Variants in RALYL observed in about 807,000 individuals in gnomAD.
The protein encoded by RALYL is RNA-binding Raly-like protein.
RALYL carries 29 observed loss-of-function variants against 35.1 expected under a neutral mutation model. The ratio of observed to expected loss-of-function variants is 0.83; its 90% CI spans 0.61 to 1.13. The LOEUF is 1.13. RALYL is among the 50% of genes most tolerant of loss of function. The probability of loss-of-function intolerance (pLI) is 0.00; values close to 1 mark genes in which losing one functional copy is unlikely to be tolerated. For synonymous variants in RALYL, 120 were observed against 127.6 expected, an observed-to-expected ratio of 0.94 and a Z score of 0.40; for missense variants, 359 against 360.4, an observed-to-expected ratio of 1.00 and a Z score of 0.03.
chr8:84,842,565 C>A (rs1833669941), intron 4 of RALYL, among the ~76,000 whole-genome samples: 1 of 152,210 alleles, frequency 6.6e-6, no homozygotes, highest in Non-Finnish European at 1.5e-5. Flanking sequence ...ACCATTCCTT[C>A]TGAAACTATT....
At chr8:84,838,327 C>CA (rs945614601) in intron 4 of RALYL, among the ~76,000 whole-genome samples, 4 of 152,144 alleles carry the variant, frequency 2.6e-5, no homozygotes, top group Non-Finnish European at 5.9e-5. Flanking sequence ...CCCTCCCCCA[C>CA]AAAAAAGGAC....
intron 5 of RALYL, among the ~76,000 whole-genome samples, chr8:84,851,598 G>A (rs1417512535): frequency 6.6e-6 from 1 of 152,132 alleles, no homozygotes; most frequent in East Asian, 1.9e-4. Flanking sequence ...TTTTTCAATA[G>A]ATGTTTTAAA....
chr8:84,499,958 G>A (rs557839396), intron 1 of RALYL, among the ~76,000 whole-genome samples: 61 of 152,098 alleles, frequency 4.0e-4, no homozygotes, highest in Non-Finnish European at 6.3e-4. Context: ...ATCTGGCTAT[G>A]TTGTCTATGG....
chr8:84,870,261 A>AT (rs200284241), intron 6 of RALYL, among the ~76,000 whole-genome samples: 4,263 of 142,426 alleles, frequency 0.03, 82 homozygotes, highest in Non-Finnish European at 0.04. Context: ...TTTGTGTATA[A>AT]TTTTTTTTTT....
intron 4 of RALYL, among the ~76,000 whole-genome samples, chr8:84,815,485 A>T (rs2134159730): frequency 6.7e-6 from 1 of 148,732 alleles, no homozygotes; most frequent in East Asian, 1.9e-4. Flanking sequence ...TATAAATAAA[A>T]TATATTTATA....
chr8:84,861,705 G>A (rs534224746), intron 5 of RALYL, among the ~76,000 whole-genome samples: 28 of 152,282 alleles, frequency 1.8e-4, no homozygotes, highest in Admixed American at 1.8e-3. Context: ...CCTTTTGTCT[G>A]CAATCAGAGG....
intron 1 of RALYL, among the ~76,000 whole-genome samples, chr8:84,329,911 T>C (rs1222871131): frequency 6.6e-6 from 1 of 152,026 alleles, no homozygotes. Context: ...TTATTAAAAA[T>C]CATATTGAAT....
At chr8:84,710,565 G>T (rs1407458608) in intron 2 of RALYL, among the ~76,000 whole-genome samples, 3 of 148,954 alleles carry the variant, frequency 2.0e-5, no homozygotes, top group Non-Finnish European at 4.4e-5. Flanking sequence ...GCCTCCCAAA[G>T]TGCTGGGATT....
At chr8:84,852,548 A>G (rs1324665348) in intron 5 of RALYL, among the ~76,000 whole-genome samples, 1 of 152,146 alleles carries the variant, frequency 6.6e-6, no homozygotes, top group Non-Finnish European at 1.5e-5. Context: ...ATTAATATAC[A>G]TTGTCTTATA....
At chr8:84,301,045 T>C in intron 1 of RALYL, among the ~76,000 whole-genome samples, 1 of 152,054 alleles carries the variant, frequency 6.6e-6, no homozygotes, top group East Asian at 1.9e-4. Context: ...ATTTAACCCC[T>C]GTGTAAGGTA....
At chr8:84,851,482 G>T (rs1439968586) in intron 5 of RALYL, among the ~76,000 whole-genome samples, 3 of 151,968 alleles carry the variant, frequency 2.0e-5, no homozygotes, top group African/African-American at 7.3e-5. Context: ...GATAGATTAC[G>T]GGATTAAAAA....
At chr8:84,654,332 T>C (rs1359192459) in intron 2 of RALYL, among the ~76,000 whole-genome samples, 1 of 137,736 alleles carries the variant, frequency 7.3e-6, no homozygotes, top group East Asian at 2.3e-4. Context: ...CACATATAGG[T>C]ATGCTACATG....
intron 3 of RALYL, among the ~76,000 whole-genome samples, chr8:84,803,762 C>A (rs1273734832): frequency 6.6e-6 from 1 of 152,176 alleles, no homozygotes; most frequent in East Asian, 1.9e-4. Flanking sequence ...TTTTTGCCTA[C>A]ACAGAATGAA....
chr8:84,920,902 G>C lies in RALYL; in HGVS notation c.867G>C (p.Gln289His). 1 of 1,423,768 alleles carries C rather than the reference G, an allele frequency of 7.0e-7. No homozygotes were observed. The highest frequency in any genetic ancestry group is 9.4e-7 in the Non-Finnish European group (1 of 1,068,598). 88.2% of individuals were successfully genotyped at this position (1,423,768 alleles called of 1,614,324 possible). A position where few individuals can be genotyped will look rare whatever the true frequency, so the allele number is the denominator to read the frequency against. ...DEDGGHELFL[Q>H]IK Reference sequence around the variant, plus strand: ...TTTTTTTATTTTCTCAGTTTCTACAGATAAAGTGATCTGAAATAACGCATG... The same window carrying C: ...TTTTTTTATTTTCTCAGTTTCTACACATAAAGTGATCTGAAATAACGCATG... The change falls in exon 9 of 9, where the codon CAG becomes CAC. Residue 289 changes from glutamine to histidine, a missense_variant. By Grantham distance (24) the Gln-to-His change is conservative. Coordinates refer to ENST00000521268, the MANE Select transcript of RALYL (RefSeq NM_173848.7).
At chr8:84,367,405 G>A (rs1158263442) in intron 1 of RALYL, among the ~76,000 whole-genome samples, 1 of 119,546 alleles carries the variant, frequency 8.4e-6, no homozygotes, top group Non-Finnish European at 1.6e-5. Flanking sequence ...GGCTAGGCTG[G>A]TTTCAAACTC....
chr8:84,642,227 G>A (rs1165637625), intron 2 of RALYL, among the ~76,000 whole-genome samples: 1 of 151,938 alleles, frequency 6.6e-6, no homozygotes, highest in Admixed American at 6.6e-5. Flanking sequence ...AAGATAGCTG[G>A]CTCCAAGTTA....
intron 6 of RALYL, among the ~76,000 whole-genome samples, chr8:84,864,075 T>C (rs1316293985): frequency 6.6e-6 from 1 of 152,132 alleles, no homozygotes; most frequent in African/African-American, 2.4e-5. Flanking sequence ...GTCAGCTACT[T>C]GGAGAAATAA....
At chr8:84,778,396 C>A (rs1241895651) in intron 3 of RALYL, among the ~76,000 whole-genome samples, 1 of 152,130 alleles carries the variant, frequency 6.6e-6, no homozygotes, top group Non-Finnish European at 1.5e-5. Context: ...GCTAAGTAAA[C>A]ATGGTATACA....
intron 6 of RALYL, among the ~76,000 whole-genome samples, chr8:84,870,388 G>C (rs1011785534): frequency 6.6e-6 from 1 of 151,574 alleles, no homozygotes; most frequent in Non-Finnish European, 1.5e-5. Flanking sequence ...CTCCCAAGTA[G>C]CTGGGATTAC....
Sources: gnomAD v4.1 joint callset for allele counts (sites outside exome capture counted in the v4.1 genomes callset) on GRCh38, gnomAD v4.1.1 for gene constraint, MANE v1.5 for transcripts, NCBI Gene and HGNC (gene_info 2026-07-23, HGNC 2026-07-21) for gene names.